The following ZNF385D variants were observed in gnomAD, a reference collection of about 807,000 sequenced individuals.
ZNF385D encodes zinc finger protein 659.
Under a neutral mutation model 35.8 loss-of-function variants are expected in ZNF385D, and 15 were observed. The observed-to-expected ratio is 0.42, with a 90% CI of 0.28 to 0.64. The LOEUF is 0.64. Among genes scored for constraint, ZNF385D ranks in the 30% least tolerant of loss-of-function variants. The pLI, the probability that ZNF385D is intolerant of heterozygous loss-of-function variation, is 0.23. For synonymous variants in ZNF385D, 212 were observed against 186.8 expected (o/e 1.13, Z -1.10); for missense variants, 474 against 494.6 (o/e 0.96, Z 0.39).
At chr3:21,782,858 G>A (rs2071546372) in intron 3 of ZNF385D, among the ~76,000 whole-genome samples, 1 of 152,136 alleles carries the variant, frequency 6.6e-6, no homozygotes, top group South Asian at 2.1e-4. Flanking sequence ...GATGAGCGGG[G>A]AGGAAGAACA....
chr3:21,946,965 T>C (rs1701819662), intron 3 of ZNF385D, among the ~76,000 whole-genome samples: 1 of 151,978 alleles, frequency 6.6e-6, no homozygotes, highest in African/African-American at 2.4e-5. Context: ...AAATACCTGA[T>C]TGGTCTTGTG....
chr3:21,632,441 G>A (rs1472910426), intron 2 of ZNF385D, among the ~76,000 whole-genome samples: 2 of 152,042 alleles, frequency 1.3e-5, no homozygotes, highest in South Asian at 2.1e-4. Context: ...TATATCATTA[G>A]TTTAAACCGT....
chr3:22,365,205 T>A (rs1317219261), intron 2 of ZNF385D, among the ~76,000 whole-genome samples: 1 of 152,014 alleles, frequency 6.6e-6, no homozygotes, highest in Non-Finnish European at 1.5e-5. Context: ...GAATGTACAC[T>A]GAGCGGTGCA....
intron 1 of ZNF385D, among the ~76,000 whole-genome samples, chr3:21,690,613 G>C (rs1192781536): frequency 6.6e-6 from 1 of 152,054 alleles, no homozygotes; most frequent in African/African-American, 2.4e-5. Flanking sequence ...CTTCCACTGT[G>C]TATAACACTT....
At chr3:21,827,837 T>A (rs746917582) in intron 3 of ZNF385D, among the ~76,000 whole-genome samples, 16 of 152,232 alleles carry the variant, frequency 1.1e-4, no homozygotes, top group Non-Finnish European at 2.4e-4. Context: ...TGCCTTTCAT[T>A]AAATACATAG....
intron 2 of ZNF385D, among the ~76,000 whole-genome samples, chr3:21,565,090 C>T (rs2063096912): frequency 1.3e-5 from 2 of 152,130 alleles, no homozygotes; most frequent in African/African-American, 4.8e-5. Flanking sequence ...GCTGGGAAGC[C>T]ATGAAAATAA....
intron 3 of ZNF385D, among the ~76,000 whole-genome samples, chr3:22,098,399 A>T (rs1477800052): frequency 6.6e-6 from 1 of 152,062 alleles, no homozygotes; most frequent in Non-Finnish European, 1.5e-5. Flanking sequence ...TTATCAATTT[A>T]GTGTTTAGGA....
intron 1 of ZNF385D, among the ~76,000 whole-genome samples, chr3:21,697,338 A>G (rs146629366): frequency 1.6e-4 from 25 of 152,304 alleles, no homozygotes; most frequent in Middle Eastern, 3.4e-3. Context: ...CAAGAAATCA[A>G]TATATAATGT....
At chr3:21,464,742 A>G (rs753418271) in intron 4 of ZNF385D, among the ~76,000 whole-genome samples, 15 of 150,024 alleles carry the variant, frequency 1.0e-4, no homozygotes, top group Non-Finnish European at 1.9e-4. Flanking sequence ...AAATAAATTA[A>G]AACACACACA....
intron 3 of ZNF385D, among the ~76,000 whole-genome samples, chr3:21,883,312 C>G (rs570877519): frequency 1.3e-5 from 2 of 151,810 alleles, no homozygotes; most frequent in South Asian, 4.2e-4. Flanking sequence ...AATAATTTAT[C>G]TCAACATAAA....
intron 3 of ZNF385D, among the ~76,000 whole-genome samples, chr3:21,947,099 G>A (rs1235580447): frequency 2.0e-5 from 3 of 152,054 alleles, no homozygotes; most frequent in East Asian, 3.9e-4. Context: ...GGGGTCAAAG[G>A]TGATATAAAT....
chr3:21,752,794 A>G (rs942824173), upstream of ZNF385D, among the ~76,000 whole-genome samples: 1 of 152,134 alleles, frequency 6.6e-6, no homozygotes, highest in Non-Finnish European at 1.5e-5. Context: ...AAACAATGTT[A>G]CGGGAAAGTA....
intron 3 of ZNF385D, among the ~76,000 whole-genome samples, chr3:21,526,020 T>C (rs545582490): frequency 6.6e-6 from 1 of 152,286 alleles, no homozygotes; most frequent in South Asian, 2.1e-4. Flanking sequence ...TTGCTCCTTA[T>C]TCTGTTACTG....
intron 3 of ZNF385D, among the ~76,000 whole-genome samples, chr3:21,522,697 G>A (rs996743016): frequency 2.0e-5 from 3 of 152,156 alleles, no homozygotes; most frequent in African/African-American, 7.2e-5. Context: ...AACTCTTGGA[G>A]GGAGGGAGGG....
intron 3 of ZNF385D, among the ~76,000 whole-genome samples, chr3:21,961,780 C>A (rs894396981): frequency 6.6e-6 from 1 of 152,042 alleles, no homozygotes; most frequent in Admixed American, 6.6e-5. Context: ...AGAATACACA[C>A]AAATCCATCA....
intron 3 of ZNF385D, among the ~76,000 whole-genome samples, chr3:22,111,801 A>G (rs1292997722): frequency 3.3e-5 from 5 of 152,172 alleles, no homozygotes; most frequent in African/African-American, 7.2e-5. Context: ...GAAACCCTGA[A>G]CAGTGAAACA....
chr3:22,314,284 C>A (rs1463270378), intron 2 of ZNF385D, among the ~76,000 whole-genome samples: 1 of 151,960 alleles, frequency 6.6e-6, no homozygotes, highest in Non-Finnish European at 1.5e-5. Context: ...CTACCCTTTC[C>A]CCACTGAGTC....
At chr3:22,341,174 A>G (rs899876313) in intron 2 of ZNF385D, among the ~76,000 whole-genome samples, 1 of 152,236 alleles carries the variant, frequency 6.6e-6, no homozygotes, top group African/African-American at 2.4e-5. Context: ...ACCTACAAAA[A>G]ACGAGTAGAT....
At chr3:22,125,580 T>A (rs532380440) in intron 3 of ZNF385D, among the ~76,000 whole-genome samples, 4 of 152,256 alleles carry the variant, frequency 2.6e-5, no homozygotes, top group Non-Finnish European at 4.4e-5. Flanking sequence ...TCTTTCCATT[T>A]TTATGTGTCA....
Sources: allele counts gnomAD v4.1 joint callset (sites outside exome capture counted in the v4.1 genomes callset), GRCh38; gene constraint gnomAD v4.1.1; transcripts MANE v1.5; gene names NCBI Gene and HGNC (gene_info 2026-07-23, HGNC 2026-07-21).